Variants in PDE1A observed in about 807,000 individuals in gnomAD.
PDE1A encodes dual specificity calcium/calmodulin-dependent 3',5'-cyclic nucleotide phosphodiesterase 1A.
A neutral mutation model predicts 61.7 loss-of-function variants in PDE1A; 35 were observed. The observed-to-expected ratio is 0.57, with a 90% confidence interval of 0.43 to 0.75. The LOEUF (loss-of-function observed/expected upper bound fraction) is 0.75. Ranked by LOEUF, PDE1A falls within the 30% of genes least tolerant of loss-of-function variation. The pLI is 0.00. For missense variants in PDE1A, 597 were observed against 630.6 expected (o/e 0.95, Z 0.57); for synonymous variants, 232 against 213.2 (o/e 1.09, Z -0.77).
rs1288059810 is a variant in PDE1A at position 182,504,620 on chromosome 2, ACT to A, written c.101+17654_101+17655del. ...TCGGTTGTGAATTTCATTTTGGAAC[ACT>A]CTCAGTTATTAAGCACATATGATTA... On this transcript the variant is annotated intron_variant, in intron 2 of 14. Transcript: ENST00000410103. Among the ~76,000 whole-genome samples, 3 of 152,104 alleles carry A rather than the reference ACT, an allele frequency of 2.0e-5. 1 individual carries two copies. Among genetic ancestry groups the A allele is most frequent in the East Asian group, 1.9e-4 (1 of 5,192 alleles).
At chr2:182,332,832 T>A (rs1697509262) in intron 1 of PDE1A, among the ~76,000 whole-genome samples, 1 of 152,024 alleles carries the variant, frequency 6.6e-6, no homozygotes, top group South Asian at 2.1e-4. Context: ...TCAGGGACCA[T>A]TTCACGTGGA....
intron 1 of PDE1A, among the ~76,000 whole-genome samples, chr2:182,391,620 A>G (rs1383804392): frequency 6.6e-6 from 1 of 152,226 alleles, no homozygotes; most frequent in Non-Finnish European, 1.5e-5. Flanking sequence ...CACATCTTAC[A>G]GTGGGAACCA....
chr2:182,443,158 T>C (rs1051371872), intron 2 of PDE1A, among the ~76,000 whole-genome samples: 2 of 151,918 alleles, frequency 1.3e-5, no homozygotes, highest in African/African-American at 4.8e-5. Flanking sequence ...ATATAAAACT[T>C]TCTACCTCGG....
At chr2:182,311,334 A>G (rs1346782874) in intron 1 of PDE1A, among the ~76,000 whole-genome samples, 2 of 152,210 alleles carry the variant, frequency 1.3e-5, no homozygotes, top group South Asian at 2.1e-4. Context: ...GCATAAATAT[A>G]TTTTTTAAAA....
At chr2:182,194,771 T>C (rs1168566283) in intron 10 of PDE1A, among the ~76,000 whole-genome samples, 2 of 152,050 alleles carry the variant, frequency 1.3e-5, no homozygotes, top group Non-Finnish European at 2.9e-5. Flanking sequence ...TAAAAAATTC[T>C]TAGTGTCTGA....
At chr2:182,477,025 T>C (rs1687411044) in intron 2 of PDE1A, among the ~76,000 whole-genome samples, 1 of 151,864 alleles carries the variant, frequency 6.6e-6, no homozygotes, top group Non-Finnish European at 1.5e-5. Context: ...TTTATTCTAA[T>C]ATTTAAATTC....
the PDE1A span, among the ~76,000 whole-genome samples, chr2:182,699,096 C>T: frequency 1.3e-5 from 2 of 152,138 alleles, no homozygotes; most frequent in Non-Finnish European, 2.9e-5. Flanking sequence ...CTGTATTGAT[C>T]CCTGTTGAAC....
At chr2:182,704,677 T>C in the PDE1A span, among the ~76,000 whole-genome samples, 1 of 152,254 alleles carries the variant, frequency 6.6e-6, no homozygotes, top group Non-Finnish European at 1.5e-5. Context: ...ATGAGTAAGA[T>C]GGCAGCATTT....
chr2:182,442,674 T>C (rs1332983680), intron 2 of PDE1A, among the ~76,000 whole-genome samples: 4 of 152,098 alleles, frequency 2.6e-5, no homozygotes, highest in Admixed American at 6.6e-5. Context: ...TAAACAATTG[T>C]TCCTGGACTT....
At chr2:182,699,859 A>C in the PDE1A span, among the ~76,000 whole-genome samples, 1 of 152,248 alleles carries the variant, frequency 6.6e-6, no homozygotes, top group Non-Finnish European at 1.5e-5. Context: ...TACAAAGAAG[A>C]AGACAAGAGG....
exon 15 of PDE1A, chr2:182,141,505 T>C (rs983285188): frequency 5.9e-5 from 9 of 152,204 alleles, no homozygotes; most frequent in African/African-American, 2.2e-4. Context: ...TTGCACAAGA[T>C]TCAGGTGAAA....
chr2:182,149,325 A>G (rs972183491), intron 13 of PDE1A, among the ~76,000 whole-genome samples: 3 of 152,236 alleles, frequency 2.0e-5, no homozygotes, highest in Non-Finnish European at 4.4e-5. Context: ...AGAGTAAAAG[A>G]AAAAGAAAGT....
intron 1 of PDE1A, among the ~76,000 whole-genome samples, chr2:182,292,738 TC>T (rs1694620594): frequency 6.6e-6 from 1 of 152,058 alleles, no homozygotes; most frequent in African/African-American, 2.4e-5. Flanking sequence ...TAAAACTCTT[TC>T]TCTATCTCCT....
chr2:182,400,960 C>T (rs1415247888), intron 1 of PDE1A, among the ~76,000 whole-genome samples: 5 of 152,174 alleles, frequency 3.3e-5, no homozygotes, highest in South Asian at 4.2e-4. Flanking sequence ...TTTATTATTC[C>T]ATTGGTGTTC....
chr2:182,641,831 GGTACATGAA>G, the PDE1A span, among the ~76,000 whole-genome samples: 2 of 152,102 alleles, frequency 1.3e-5, no homozygotes, highest in Non-Finnish European at 2.9e-5. Flanking sequence ...TGCTCTCCCA[GGTACATGAA>G]ACAATACATG....
chr2:182,353,447 G>A (rs1699004295), intron 1 of PDE1A, among the ~76,000 whole-genome samples: 1 of 152,110 alleles, frequency 6.6e-6, no homozygotes, highest in Non-Finnish European at 1.5e-5. Flanking sequence ...TAACTTGCTA[G>A]GAATTTTTCT....
intron 1 of PDE1A, among the ~76,000 whole-genome samples, chr2:182,342,799 T>A (rs1698278369): frequency 6.6e-6 from 1 of 152,214 alleles, no homozygotes; most frequent in Non-Finnish European, 1.5e-5. Flanking sequence ...ATAACATAAT[T>A]TCATATGGAA....
At chr2:182,520,947 A>C (rs1444704588) in intron 2 of PDE1A, among the ~76,000 whole-genome samples, 1 of 152,000 alleles carries the variant, frequency 6.6e-6, no homozygotes, top group Non-Finnish European at 1.5e-5. Context: ...AAAAAGCTGT[A>C]ATTTCTAAAT....
intron 2 of PDE1A, chr2:182,522,244 G>T (rs1574853499): frequency 6.4e-7 from 1 of 1,553,934 alleles, no homozygotes; most frequent in Non-Finnish European, 8.9e-7. Flanking sequence ...CAAATCTTTT[G>T]GGGGGAAATA....
Sources: allele counts gnomAD v4.1 joint callset (sites outside exome capture counted in the v4.1 genomes callset), GRCh38; gene constraint gnomAD v4.1.1; transcripts MANE v1.5; gene names NCBI Gene and HGNC (gene_info 2026-07-23, HGNC 2026-07-21).